JPT1: variants seen among roughly 807,000 people sequenced by gnomAD.
JPT1 encodes the protein androgen-regulated protein 2.
Under a neutral mutation model 17.0 loss-of-function variants are expected in JPT1, and 5 were observed. The observed-to-expected ratio is 0.29, with a 90% CI of 0.15 to 0.62. JPT1 has a LOEUF of 0.62. JPT1 is among the 20% of genes least tolerant of loss of function. JPT1 has a pLI of 0.85. For synonymous variants in JPT1, 71 were observed against 73.6 expected, an observed-to-expected ratio of 0.96 and a Z score of 0.18; for missense variants, 158 against 188.1, an observed-to-expected ratio of 0.84 and a Z score of 0.94.
At chr17:75,151,526 C>T in intron 1 of JPT1, among the ~76,000 whole-genome samples, 1 of 152,012 alleles carries the variant, frequency 6.6e-6, no homozygotes, top group East Asian at 1.9e-4. Context: ...CGTGGTGGCA[C>T]ATGCCTGTAG....
At chr17:75,142,671 G>A (rs1378968049) in intron 4 of JPT1, 4 of 371,256 alleles carry the variant, frequency 1.1e-5, no homozygotes, top group African/African-American at 6.2e-5. Flanking sequence ...GGGGAGGAAG[G>A]GAACGGGAAG....
At chr17:75,147,213 T>C (rs1201902160) in intron 3 of JPT1, among the ~76,000 whole-genome samples, 1 of 151,428 alleles carries the variant, frequency 6.6e-6, no homozygotes, top group Non-Finnish European at 1.5e-5. Flanking sequence ...ACACAACCAA[T>C]GGTAATGCCA....
At chr17:75,144,788 A>G (rs925423357) in intron 4 of JPT1, among the ~76,000 whole-genome samples, 8 of 152,126 alleles carry the variant, frequency 5.3e-5, no homozygotes, top group Non-Finnish European at 1.2e-4. Flanking sequence ...AGGACTCCCA[A>G]CTGGTGTCCA....
At chr17:75,141,802 A>G (rs1448047857) in intron 4 of JPT1, among the ~76,000 whole-genome samples, 1 of 151,896 alleles carries the variant, frequency 6.6e-6, no homozygotes, top group Admixed American at 6.6e-5. Flanking sequence ...GGCTGGGCGC[A>G]GTGGCTCATG....
chr17:75,142,899 CACAA>C (rs1454648287), intron 4 of JPT1: 3 of 400,562 alleles, frequency 7.5e-6, no homozygotes, highest in African/African-American at 6.3e-5. Context: ...CACACACACA[CACAA>C]AATCTGTTTT....
chr17:75,142,911 T>C, intron 4 of JPT1: 1 of 396,104 alleles, frequency 2.5e-6, no homozygotes, highest in South Asian at 1.8e-5. Flanking sequence ...CAAAATCTGT[T>C]TTTGTCCACA....
At chr17:75,148,302 G>A (rs2074479596) in intron 2 of JPT1, among the ~76,000 whole-genome samples, 1 of 152,176 alleles carries the variant, frequency 6.6e-6, no homozygotes. Flanking sequence ...CTGGAGGGCA[G>A]TGGCTCAATC....
chr17:75,148,789 C>T, intron 1 of JPT1, 118 bp from the exon 2 acceptor site: 1 of 1,170,970 alleles, frequency 8.5e-7, no homozygotes, highest in Non-Finnish European at 1.2e-6. Context: ...ACCCCTACAA[C>T]AGATAGCTGC....
intron 4 of JPT1, chr17:75,138,597 C>G (rs2074252362): frequency 6.6e-6 from 1 of 151,062 alleles, no homozygotes; most frequent in South Asian, 2.1e-4. Context: ...TTGTAGAGAC[C>G]AGGTTTCACC....
At chr17:75,146,572 C>CAG (rs1421814247) in intron 4 of JPT1, 94 bp downstream of exon 4, 26 of 952,030 alleles carry the variant, frequency 2.7e-5, no homozygotes, top group Non-Finnish European at 4.2e-5. Flanking sequence ...TTTCACTCCC[C>CAG]AGTCTCTTTC....
At position 75,135,963 on chromosome 17, in the gene JPT1, GAA is replaced by G. The variant is rs370016046; in HGVS notation, c.*137_*138del. 216 of 1,179,960 alleles carry G rather than the reference GAA, an allele frequency of 1.8e-4. No homozygotes were observed. Among genetic ancestry groups the G allele is most frequent in the Middle Eastern group, 4.2e-4 (2 of 4,706 alleles). 73.1% of individuals were successfully genotyped at this position (1,179,960 alleles called of 1,614,324 possible). A position where few individuals can be genotyped will look rare whatever the true frequency, so the allele number is the denominator to read the frequency against. On this transcript the variant is annotated 3_prime_UTR_variant, in exon 5 of 5. Transcript: ENST00000409753. ...ACAGAGAGAAACCTGTTCTTCAAAA[GAA>G]AAAAAAAAAAGACAGCAGTACATAA...
chr17:75,140,348 T>C (rs2074284969), intron 4 of JPT1, among the ~76,000 whole-genome samples: 1 of 152,210 alleles, frequency 6.6e-6, no homozygotes, highest in African/African-American at 2.4e-5. Flanking sequence ...TGGTCTCTTT[T>C]CTTTGGCACA....
intron 1 of JPT1, 135 bp from the exon 2 acceptor site, chr17:75,148,806 G>A: frequency 9.4e-7 from 1 of 1,069,148 alleles, no homozygotes; most frequent in Admixed American, 2.8e-5. Context: ...CTGCTAACAG[G>A]AAAAAAGAAT....
At chr17:75,143,503 G>A (rs914924339) in intron 4 of JPT1, among the ~76,000 whole-genome samples, 4 of 152,082 alleles carry the variant, frequency 2.6e-5, no homozygotes, top group African/African-American at 9.7e-5. Flanking sequence ...AGGTTGCAGT[G>A]AGCCAAGATC....
At chr17:75,137,179 A>G (rs573878263) in intron 4 of JPT1, among the ~76,000 whole-genome samples, 1 of 152,280 alleles carries the variant, frequency 6.6e-6, no homozygotes, top group Admixed American at 6.5e-5. Flanking sequence ...AACCCATCCA[A>G]TTTTCCAAAT....
chr17:75,137,531 T>TG (rs1028354373), intron 4 of JPT1, among the ~76,000 whole-genome samples: 36 of 151,064 alleles, frequency 2.4e-4, no homozygotes, highest in Middle Eastern at 3.4e-3. Context: ...TATTTTTGTT[T>TG]TTTTTTTTTT....
chr17:75,144,535 C>CAT (rs2074387391), intron 4 of JPT1, among the ~76,000 whole-genome samples: 1 of 152,036 alleles, frequency 6.6e-6, no homozygotes, highest in Non-Finnish European at 1.5e-5. Context: ...AAAAATGTAT[C>CAT]ATATATTCAT....
intron 1 of JPT1, among the ~76,000 whole-genome samples, chr17:75,150,343 T>C (rs1014465899): frequency 6.6e-6 from 1 of 151,786 alleles, no homozygotes; most frequent in East Asian, 1.9e-4. Context: ...AACCTCCGCC[T>C]CCCGGGTTCA....
intron 4 of JPT1, chr17:75,142,620 G>GTGGA: frequency 9.5e-6 from 1 of 105,406 alleles, no homozygotes; most frequent in Non-Finnish European, 1.6e-5. Context: ...GGAGAGAGGA[G>GTGGA]GGGAGGGAGG....
Sources: gnomAD v4.1 joint callset for allele counts (sites outside exome capture counted in the v4.1 genomes callset) on GRCh38, gnomAD v4.1.1 for gene constraint, MANE v1.5 for transcripts, NCBI Gene and HGNC (gene_info 2026-07-23, HGNC 2026-07-21) for gene names.